HDAC4: variants seen among roughly 807,000 people sequenced by gnomAD.
HDAC4 encodes the protein histone deacetylase A.
Under a neutral mutation model 135.1 loss-of-function variants are expected in HDAC4, and 16 were observed. The observed-to-expected ratio is 0.12, with a 90% CI of 0.08 to 0.18. The LOEUF is 0.18. Among genes scored for constraint, HDAC4 ranks in the 10% least tolerant of loss-of-function variants. The pLI, the probability that HDAC4 is intolerant of heterozygous loss-of-function variation, is 1.00. For missense variants in HDAC4, 1,143 were observed against 1,511.8 expected, an observed-to-expected ratio of 0.76 and a Z score of 4.05; for synonymous variants, 685 against 653.4, an observed-to-expected ratio of 1.05 and a Z score of -0.74.
chr2:239,251,034 T>C (rs1436885443), intron 2 of HDAC4, among the ~76,000 whole-genome samples: 2 of 152,188 alleles, frequency 1.3e-5, no homozygotes, highest in African/African-American at 2.4e-5. Context: ...AGCTGGCACC[T>C]GGCCCTGTGG....
In HDAC4 at chr2:239,308,293, C is replaced by T. The variant is rs1266444468; in HGVS notation, c.22+44385G>A. On this transcript the variant is annotated intron_variant, in intron 2 of 26. Transcript: ENST00000543185. This position sits in a 1 kb window ranked among gnomAD's most constrained non-coding sequence, Gnocchi z 4.2. ...ACGAGGGAGCCAGGGTCACTTTCTT[C>T]CTCATCAAGCTGGCCCCCTGGTGAC... 6.6e-6 allele frequency among the ~76,000 whole-genome samples: 1 copy of T among 152,138 alleles called. No homozygotes were observed. Among genetic ancestry groups the T allele is most frequent in the African/African-American group, 2.4e-5 (1 of 41,428 alleles).
At chr2:239,179,296 C>T (rs952584776) in intron 4 of HDAC4, among the ~76,000 whole-genome samples, 4 of 152,326 alleles carry the variant, frequency 2.6e-5, no homozygotes, top group Non-Finnish European at 4.4e-5. Flanking sequence ...CACCTCCGGC[C>T]GTGGACGGGT....
chr2:239,147,132 G>A (rs1240112726), intron 7 of HDAC4, among the ~76,000 whole-genome samples: 2 of 152,230 alleles, frequency 1.3e-5, no homozygotes, highest in Non-Finnish European at 2.9e-5. Flanking sequence ...GGAGGGGATT[G>A]AGCAGCAGCA....
At chr2:239,056,102 C>T (rs1019870430) in intron 24 of HDAC4, among the ~76,000 whole-genome samples, 1 of 152,206 alleles carries the variant, frequency 6.6e-6, no homozygotes, top group African/African-American at 2.4e-5. Context: ...GGCAGCTCCG[C>T]CAGGCCAGGG....
chr2:239,324,776 G>A (rs556888130), intron 2 of HDAC4, among the ~76,000 whole-genome samples: 9 of 152,372 alleles, frequency 5.9e-5, no homozygotes, highest in South Asian at 4.1e-4. Flanking sequence ...AGAAGGGGGC[G>A]TGGGCGAGGT....
intron 22 of HDAC4, among the ~76,000 whole-genome samples, chr2:239,071,996 T>C (rs140878360): frequency 2.0e-5 from 3 of 152,302 alleles, no homozygotes; most frequent in Middle Eastern, 3.4e-3. Context: ...TTCAACACCA[T>C]TGCACATTCC....
intron 22 of HDAC4, among the ~76,000 whole-genome samples, chr2:239,073,765 G>A (rs1471538732): frequency 6.6e-6 from 1 of 152,260 alleles, no homozygotes; most frequent in African/African-American, 2.4e-5. Flanking sequence ...CGGCACTCCC[G>A]CCGCAGGGCT....
chr2:239,103,253 A>C (rs939127902), intron 15 of HDAC4, among the ~76,000 whole-genome samples: 1 of 152,036 alleles, frequency 6.6e-6, no homozygotes, highest in Non-Finnish European at 1.5e-5. Context: ...TGAGCTGCTG[A>C]GCTCCCTCAC....
chr2:239,239,854 A>G (rs2048078646), intron 2 of HDAC4, among the ~76,000 whole-genome samples: 1 of 152,226 alleles, frequency 6.6e-6, no homozygotes, highest in Non-Finnish European at 1.5e-5. Context: ...TGGAACTATC[A>G]GAAAACAGCA....
intron 1 of HDAC4, among the ~76,000 whole-genome samples, chr2:239,387,256 C>T (rs944145332): frequency 3.9e-5 from 6 of 152,296 alleles, no homozygotes; most frequent in South Asian, 2.1e-4. Flanking sequence ...GAAGCAGCCG[C>T]GGGCCCACAA....
chr2:239,153,583 TTA>T lies in HDAC4; in HGVS notation c.733+3067_733+3068del, dbSNP rs147235047. Among the ~76,000 whole-genome samples, 1,061 of 152,360 alleles carry T rather than the reference TTA, an allele frequency of 7.0e-3. 11 individuals carry two copies. The highest frequency in any genetic ancestry group is 0.024 in the African/African-American group (1,004 of 41,574). On this transcript the variant is annotated intron_variant, in intron 7 of 26. Coordinates refer to ENST00000543185, the MANE Select transcript of HDAC4 (RefSeq NM_001378414.1). The stretch of plus-strand genomic sequence containing the variant: ...GGTTTAAACGTTTTCTCGGAAATCT[TTA>T]TGTTATTATTATTAATGTGGTAGTG...
chr2:239,236,700 C>T (rs1346166047), intron 2 of HDAC4, 36 bp from the exon 3 acceptor site: 85 of 1,497,820 alleles, frequency 5.7e-5, no homozygotes, highest in Non-Finnish European at 6.7e-5. Flanking sequence ...TCAGAAACTG[C>T]GCGCATTTCA....
At chr2:239,232,495 A>G (rs1050652980) in intron 3 of HDAC4, among the ~76,000 whole-genome samples, 2 of 137,328 alleles carry the variant, frequency 1.5e-5, no homozygotes, top group Admixed American at 7.3e-5. Flanking sequence ...CCCTGCCACC[A>G]TGTCTCCGCC....
intron 2 of HDAC4, among the ~76,000 whole-genome samples, chr2:239,286,384 G>C (rs1053044157): frequency 6.6e-6 from 1 of 152,182 alleles, no homozygotes; most frequent in Admixed American, 6.5e-5. Flanking sequence ...GAAATCAGCT[G>C]AGCAGAGGGA....
At chr2:239,170,148 G>T (rs925368700) in intron 5 of HDAC4, among the ~76,000 whole-genome samples, 1 of 152,214 alleles carries the variant, frequency 6.6e-6, no homozygotes, top group South Asian at 2.1e-4. Flanking sequence ...TAGCTAAATA[G>T]AGGAATAAAC....
intron 4 of HDAC4, among the ~76,000 whole-genome samples, chr2:239,178,118 C>CG (rs927981240): frequency 1.3e-5 from 2 of 151,966 alleles, no homozygotes; most frequent in Non-Finnish European, 1.5e-5. Context: ...TGGGCCAGCC[C>CG]GGGGGAAGTG....
chr2:239,119,196 C>T (rs780271952), intron 12 of HDAC4, among the ~76,000 whole-genome samples: 16 of 152,230 alleles, frequency 1.1e-4, no homozygotes, highest in South Asian at 2.1e-4. Context: ...TTCTTGAGAG[C>T]GGGGCCCTTA....
chr2:239,232,735 TC>T (rs367594009), intron 3 of HDAC4, among the ~76,000 whole-genome samples: 52 of 4,192 alleles, frequency 0.012, 5 homozygotes, highest in Non-Finnish European at 0.013. Flanking sequence ...GGGTGGCCCT[TC>T]CCCTCACCAA....
chr2:239,171,606 A>T (rs2043456491), intron 5 of HDAC4, among the ~76,000 whole-genome samples: 1 of 152,238 alleles, frequency 6.6e-6, no homozygotes, highest in Non-Finnish European at 1.5e-5. Flanking sequence ...GTTTGAGAAT[A>T]ATCAGGTCTA....
Sources: allele counts gnomAD v4.1 joint callset (sites outside exome capture counted in the v4.1 genomes callset), GRCh38; gene constraint gnomAD v4.1.1; non-coding constraint Gnocchi (gnomAD v3.1); transcripts MANE v1.5; gene names NCBI Gene and HGNC (gene_info 2026-07-23, HGNC 2026-07-21).